The following LIMS2 variants were observed in gnomAD, a reference collection of about 807,000 sequenced individuals.
LIMS2 encodes the protein LIM zinc finger domain containing 2, also known as LIM and senescent cell antigen-like-containing domain protein 2.
LIMS2 carries 30 observed loss-of-function variants against 45.3 expected under a neutral mutation model. That is an observed-to-expected ratio of 0.66 (90% CI 0.50 to 0.90). The LOEUF (loss-of-function observed/expected upper bound fraction) is 0.90, where lower values mean the gene tolerates loss of function less well. LIMS2 is among the 40% of genes least tolerant of loss of function. The pLI, the probability that LIMS2 is intolerant of heterozygous loss-of-function variation, is 0.00. For missense variants in LIMS2, 485 were observed against 468.7 expected (o/e 1.03, Z -0.32); for synonymous variants, 173 against 188.0 (o/e 0.92, Z 0.65).
chr2:127,663,820 C>T (rs1041986913), intron 1 of LIMS2, among the ~76,000 whole-genome samples: 1 of 152,188 alleles, frequency 6.6e-6, no homozygotes, highest in African/African-American at 2.4e-5. Context: ...GAGGTGGCTC[C>T]ACCACCATCC....
exon 1 of LIMS2, chr2:127,681,628 C>CAG (rs1470408949): frequency 6.6e-6 from 1 of 152,270 alleles, no homozygotes; most frequent in Admixed American, 6.5e-5. Flanking sequence ...GCTCCGGGCC[C>CAG]AGAGCCAGGC....
intron 4 of LIMS2, among the ~76,000 whole-genome samples, chr2:127,654,016 A>C (rs1482994135): frequency 6.6e-6 from 1 of 152,010 alleles, no homozygotes; most frequent in Non-Finnish European, 1.5e-5. Flanking sequence ...ATGAGAGACC[A>C]AGGGTTCGCA....
intron 2 of LIMS2, among the ~76,000 whole-genome samples, chr2:127,656,528 C>T (rs1179663624): frequency 6.6e-6 from 1 of 151,924 alleles, no homozygotes; most frequent in Admixed American, 6.6e-5. Flanking sequence ...ATTCTCCTGC[C>T]TCAGCCTCCC....
Position 127,639,127 on chromosome 2 carries a change from A to C in LIMS2, c.*154T>G. 2 of 777,350 alleles carry C rather than the reference A, an allele frequency of 2.6e-6. No individual in the cohort carries two copies. The highest frequency in any genetic ancestry group is 4.0e-6 in the Non-Finnish European group (2 of 494,106). The allele number at this position is 777,350 out of a possible 1,614,324, so 48.2% of individuals were successfully genotyped here. ...AGGAGAGGAGAGACATGGGGAAGGC[A>C]GAGATGAGGGAACAGGAAGGGAGAA... On this transcript the variant is annotated 3_prime_UTR_variant, in exon 10 of 10. Coordinates refer to ENST00000355119, the MANE Select transcript of LIMS2 (RefSeq NM_001161403.3).
intron 4 of LIMS2, among the ~76,000 whole-genome samples, chr2:127,648,580 GC>G (rs2105248860): frequency 6.6e-6 from 1 of 152,258 alleles, no homozygotes; most frequent in African/African-American, 2.4e-5. Context: ...CGTGCCACCA[GC>G]ATCCTGAGAC....
intron 4 of LIMS2, among the ~76,000 whole-genome samples, chr2:127,649,039 AAG>A (rs1558877810): frequency 9.1e-6 from 1 of 109,844 alleles, no homozygotes; most frequent in Non-Finnish European, 2.1e-5. Flanking sequence ...AAGAAAAAGA[AAG>A]AAAGAGAAAA....
chr2:127,658,250 T>G (rs549312147), intron 1 of LIMS2, among the ~76,000 whole-genome samples: 1 of 152,132 alleles, frequency 6.6e-6, no homozygotes, highest in East Asian at 1.9e-4. Context: ...AACAAAAAAA[T>G]TAGCCAGGTG....
At chr2:127,643,179 GC>G in intron 4 of LIMS2, 107 bp from the exon 5 acceptor site, 1 of 1,238,052 alleles carries the variant, frequency 8.1e-7, no homozygotes, top group Non-Finnish European at 1.1e-6. Context: ...GCAGCTGGGG[GC>G]TTCAAAGGGG....
intron 4 of LIMS2, chr2:127,646,530 T>C (rs974294473): frequency 7.9e-5 from 12 of 152,252 alleles, no homozygotes; most frequent in African/African-American, 2.7e-4. Context: ...CCTTGACCCA[T>C]AGAGGAGCCA....
intron 1 of LIMS2, among the ~76,000 whole-genome samples, chr2:127,661,890 C>T (rs542730838): frequency 5.5e-4 from 84 of 152,292 alleles, no homozygotes; most frequent in African/African-American, 1.9e-3. Flanking sequence ...GACTCATGTT[C>T]CTCCCATCTC....
Position 127,658,431 on chromosome 2 carries a change from G to A in LIMS2, c.12-869C>T, listed in dbSNP as rs1383859412. On this transcript the variant is annotated intron_variant, in intron 1 of 9. Coordinates refer to ENST00000355119, the MANE Select transcript of LIMS2 (RefSeq NM_001161403.3). Reference sequence around the variant, plus strand: ...AGACAAGAGTATGAATCTTTGAGACGAGACGGGAGTGTGGTGAGGGGGAGC... The same window carrying A: ...AGACAAGAGTATGAATCTTTGAGACAAGACGGGAGTGTGGTGAGGGGGAGC... Among the ~76,000 whole-genome samples the A allele has an allele frequency of 5.9e-5, 9 of 152,152 alleles. No homozygotes were observed. The South Asian group carries it at 1.2e-3, about 21-fold the overall frequency.
intron 1 of LIMS2, chr2:127,674,512 C>T: frequency 1.7e-6 from 1 of 584,782 alleles, no homozygotes; most frequent in Non-Finnish European, 2.2e-6. Context: ...ACAGCTGGTG[C>T]TTGGGCGCAG....
At chr2:127,643,174 T>C in intron 4 of LIMS2, 102 bp from the exon 5 acceptor site, 1 of 1,321,382 alleles carries the variant, frequency 7.6e-7, no homozygotes, top group South Asian at 1.4e-5. Flanking sequence ...ACTGAGCAGC[T>C]GGGGGCTTCA....
rs1375977854 is a variant in LIMS2 at position 127,647,592 on chromosome 2, G to A, written c.360-4520C>T. ...CCTGAGGGACAGCCTGGGGTGGAGG[G>A]CACCCACCTTGGCCCCTTCCCACCC... On this transcript the variant is annotated intron_variant, in intron 4 of 9. Transcript: ENST00000355119. The surrounding 1 kb of genome is among the most constrained non-coding windows in gnomAD (Gnocchi z 4.3). 6.6e-6 allele frequency among the ~76,000 whole-genome samples: 1 copy of A among 152,068 alleles called. No homozygotes were observed. The highest frequency in any genetic ancestry group is 2.4e-5 in the African/African-American group (1 of 41,396).
intron 1 of LIMS2, chr2:127,673,865 C>A (rs1685388229): frequency 3.7e-6 from 3 of 811,272 alleles, no homozygotes; most frequent in African/African-American, 1.7e-5. Flanking sequence ...AGATGCCACT[C>A]TCCGGGGGAT....
chr2:127,649,148 TGA>T (rs1281065924), intron 4 of LIMS2, among the ~76,000 whole-genome samples: 2 of 69,226 alleles, frequency 2.9e-5, no homozygotes, highest in East Asian at 3.4e-4. Context: ...CAAAGCGAAG[TGA>T]GAGAGAGAGG....
At position 127,664,362 on chromosome 2, in the gene LIMS2, G is replaced by T. The variant is rs898557658; in HGVS notation, c.12-6800C>A. On this transcript the variant is annotated intron_variant, in intron 1 of 9. Transcript: ENST00000355119. This position sits in a 1 kb window ranked among gnomAD's most constrained non-coding sequence, Gnocchi z 5.5. ...GGCGCCGCCGGTACAGCCCCGACGC[G>T]GCCAGCGCACCCAGCCGGGCCGCCA... The T allele has an allele frequency of 4.9e-6, 6 of 1,218,070 alleles. No homozygotes were observed. In the East Asian group the frequency reaches 2.0e-4, roughly 40 times the overall value. The allele number at this position is 1,218,070 out of a possible 1,614,324, so 75.5% of individuals were successfully genotyped here. A position where few individuals can be genotyped will look rare whatever the true frequency, so the allele number is the denominator to read the frequency against.
chr2:127,664,660 G>T lies in LIMS2; in HGVS notation c.12-7098C>A. 9.5e-7 allele frequency: 1 copy of T among 1,050,016 alleles called. No individual in the cohort carries two copies. The highest frequency in any genetic ancestry group is 1.2e-6 in the Non-Finnish European group (1 of 866,778). 65.0% of individuals were successfully genotyped at this position (1,050,016 alleles called of 1,614,324 possible). A position where few individuals can be genotyped will look rare whatever the true frequency, so the allele number is the denominator to read the frequency against. On this transcript the variant is annotated intron_variant, in intron 1 of 9. Coordinates refer to ENST00000355119, the MANE Select transcript of LIMS2 (RefSeq NM_001161403.3). The surrounding 1 kb of genome is among the most constrained non-coding windows in gnomAD (Gnocchi z 5.5). Reference sequence around the variant, plus strand: ...GCGGGGGTTGGGTCCCGCTGGGAGGGGACTGGTCTGGGAAGGCCCCAGACA... The same window carrying T: ...GCGGGGGTTGGGTCCCGCTGGGAGGTGACTGGTCTGGGAAGGCCCCAGACA...
chr2:127,654,692 A>C (rs1573810938), intron 3 of LIMS2, 138 bp downstream of exon 3: 1 of 1,473,530 alleles, frequency 6.8e-7, no homozygotes, highest in Admixed American at 1.8e-5. Flanking sequence ...AGGGGGCCTG[A>C]CGGCTGCCGC....
Sources: allele counts gnomAD v4.1 joint callset (sites outside exome capture counted in the v4.1 genomes callset), GRCh38; gene constraint gnomAD v4.1.1; non-coding constraint Gnocchi (gnomAD v3.1); transcripts MANE v1.5; gene names NCBI Gene and HGNC (gene_info 2026-07-23, HGNC 2026-07-21).